SLC35G1: variants seen among roughly 807,000 people sequenced by gnomAD.
The protein encoded by SLC35G1 is partner of STIM1.
A neutral mutation model predicts 17.1 loss-of-function variants in SLC35G1; 10 were observed. The ratio of observed to expected loss-of-function variants is 0.59; its 90% CI spans 0.36 to 0.99. SLC35G1 has a LOEUF of 0.99. Among genes scored for constraint, SLC35G1 ranks in the 50% least tolerant of loss-of-function variants. The probability of loss-of-function intolerance (pLI) is 0.01; values close to 1 mark genes in which losing one functional copy is unlikely to be tolerated. For synonymous variants in SLC35G1, 185 were observed against 181.1 expected, an observed-to-expected ratio of 1.02 and a Z score of -0.18; for missense variants, 433 against 468.4, an observed-to-expected ratio of 0.92 and a Z score of 0.70.
downstream of SLC35G1, chr10:93,908,222 T>C (rs760795912): frequency 3.3e-5 from 5 of 152,248 alleles, no homozygotes; most frequent in Non-Finnish European, 5.9e-5. Flanking sequence ...ATTTATTGAA[T>C]AAACCTCATC....
downstream of SLC35G1, chr10:93,908,212 A>G (rs773394088): frequency 2.0e-5 from 3 of 152,246 alleles, no homozygotes; most frequent in Non-Finnish European, 4.4e-5. Context: ...GGACACTAAC[A>G]TTTATTGAAT....
downstream of SLC35G1, chr10:93,907,148 G>C (rs2060434030): frequency 6.6e-6 from 1 of 152,166 alleles, no homozygotes. Flanking sequence ...GGAGGCCAAG[G>C]TGGCCAGATC....
Position 93,901,176 on chromosome 10 carries a change from G to C in SLC35G1, c.784G>C (p.Gly262Arg). The change falls in exon 3 of 3, where the codon GGC (glycine) becomes CGC (arginine). Residue 262 changes from glycine to arginine, a missense_variant. Transcript: ENST00000427197. Reference protein sequence around the residue: ...FLSIWYYVVLGLVESVIILSV... With the variant: ...FLSIWYYVVLRLVESVIILSV... ...GAGCATTTGGTATTATGTAGTACTT[G>C]GCCTCGTTGAAAGTGTCATCATCCT... 3.7e-6 allele frequency: 6 copies of C among 1,614,070 alleles called. No homozygotes were observed. The highest frequency in any genetic ancestry group is 5.1e-6 in the Non-Finnish European group (6 of 1,179,968).
intron 1 of SLC35G1, among the ~76,000 whole-genome samples, chr10:93,895,957 C>G (rs766279137): frequency 6.6e-6 from 1 of 150,842 alleles, no homozygotes; most frequent in African/African-American, 2.4e-5. Flanking sequence ...TACAGAGATT[C>G]TATTTCGGTG....
chr10:93,899,912 A>G (rs761008529), intron 2 of SLC35G1, among the ~76,000 whole-genome samples: 17 of 152,132 alleles, frequency 1.1e-4, no homozygotes, highest in Admixed American at 7.2e-4. Context: ...ATGTTTTATT[A>G]TCATGGAAGA....
In SLC35G1 at chr10:93,898,754, A is replaced by G. The variant is rs773976347; in HGVS notation, c.359+3A>G. On this transcript the variant is annotated splice_donor_region_variant and intron_variant, in intron 2 of 2. Transcript: ENST00000427197. ...ATCCCTTGCTTAATATACAGAAAGT[A>G]AGTATTTTTTAACTGCAAAGTAGAA... The G allele has an allele frequency of 3.1e-6, 5 of 1,594,094 alleles. No homozygotes were observed. The highest frequency in any genetic ancestry group is 4.3e-6 in the Non-Finnish European group (5 of 1,174,256).
chr10:93,899,529 G>C (rs900658655), intron 2 of SLC35G1, among the ~76,000 whole-genome samples: 3 of 152,088 alleles, frequency 2.0e-5, no homozygotes, highest in African/African-American at 7.2e-5. Context: ...TTGGGTCCTT[G>C]GTGGCTGCCT....
chr10:93,900,642 C>T (rs989687962), intron 2 of SLC35G1, 110 bp from the exon 3 acceptor site: 1 of 825,028 alleles, frequency 1.2e-6, no homozygotes, highest in Non-Finnish European at 1.8e-6. Flanking sequence ...ATTTACTATT[C>T]CCTCATTTTT....
chr10:93,901,089 G>A lies in SLC35G1; in HGVS notation c.697G>A (p.Val233Ile), dbSNP rs765784886. 5.6e-5 allele frequency: 91 copies of A among 1,614,040 alleles called. No homozygotes were observed. The highest frequency in any genetic ancestry group is 1.9e-4 in the South Asian group (17 of 91,084). Reference protein sequence around the residue: ...KGTFAAIGSAVFAASTLVILR... With the variant: ...KGTFAAIGSAIFAASTLVILR... ...AACATTCGCAGCAATTGGAAGTGCC[G>A]TATTTGCTGCATCGACTCTAGTTAT... Residue 233 changes from valine to isoleucine, a missense_variant, in exon 3 of 3, where the codon GTA (valine) becomes ATA (isoleucine). Physicochemically the swap from Val to Ile is conservative, Grantham distance 29 (BLOSUM62 3). Coordinates refer to ENST00000427197, the MANE Select transcript of SLC35G1 (RefSeq NM_001134658.3).
chr10:93,905,515 T>C (rs547633565), downstream of SLC35G1, among the ~76,000 whole-genome samples: 60 of 152,314 alleles, frequency 3.9e-4, no homozygotes, highest in South Asian at 1.9e-3. Context: ...ACATTAAGTT[T>C]GGAGCTGGAC....
chr10:93,901,229 T>C lies in SLC35G1; in HGVS notation c.837T>C (p.Pro279=). The part of the protein sequence containing the change: ...ILSVLGEWSL[P]YCGLDRLFLI... ...CTGTATTAGGAGAGTGGAGTCTGCC[T>C]TACTGTGGGTTGGACAGGCTATTTC... The change falls in exon 3 of 3, where the codon CCT becomes CCC. Residue 279 remains proline, a synonymous_variant. Transcript: ENST00000427197. 1 of 1,614,070 alleles carries C rather than the reference T, an allele frequency of 6.2e-7. No homozygotes were observed. The highest frequency in any genetic ancestry group is 8.5e-7 in the Non-Finnish European group (1 of 1,179,930).
intron 1 of SLC35G1, among the ~76,000 whole-genome samples, chr10:93,897,669 T>C (rs539942235): frequency 1.3e-5 from 2 of 152,204 alleles, no homozygotes; most frequent in African/African-American, 2.4e-5. Context: ...AACTAAGACA[T>C]AGTAAGTGGC....
downstream of SLC35G1, chr10:93,908,354 C>T (rs528367946): frequency 9.2e-5 from 14 of 152,312 alleles, no homozygotes; most frequent in African/African-American, 3.4e-4. Flanking sequence ...CTAGTCCCCT[C>T]ACTAGTAAAT....
At chr10:93,900,620 A>G (rs779803944) in intron 2 of SLC35G1, 132 bp from the exon 3 acceptor site, 100 of 731,596 alleles carry the variant, frequency 1.4e-4, no homozygotes, top group Non-Finnish European at 2.0e-4. Context: ...TCATTTGTGG[A>G]TATTATAATT....
At position 93,902,906 on chromosome 10, in the gene SLC35G1, G is replaced by A. The variant is rs1310159972; in HGVS notation, c.*1416G>A. On this transcript the variant is annotated 3_prime_UTR_variant, in exon 3 of 3. Coordinates refer to ENST00000427197, the MANE Select transcript of SLC35G1 (RefSeq NM_001134658.3). ...CTTGGGAGGTTAGTCAGGACTTAGG[G>A]AGTATACATAAATGGTTACTTGTTG... The A allele has an allele frequency of 6.6e-6, 1 of 152,480 alleles. No individual in the cohort carries two copies. Among genetic ancestry groups the A allele is most frequent in the Non-Finnish European group, 1.5e-5 (1 of 68,034 alleles). 9.4% of individuals were successfully genotyped at this position (152,480 alleles called of 1,614,324 possible).
downstream of SLC35G1, chr10:93,908,176 G>A (rs1424927876): frequency 6.6e-6 from 1 of 152,156 alleles, no homozygotes; most frequent in Non-Finnish European, 1.5e-5. Flanking sequence ...CTTTCCTATG[G>A]CACCAAAACA....
rs1220946652 is a variant in SLC35G1, at chr10:93,902,510, C to T, written c.*1020C>T. 1 of 152,426 alleles carries T rather than the reference C, an allele frequency of 6.6e-6. No individual in the cohort carries two copies. Among genetic ancestry groups the T allele is most frequent in the African/African-American group, 2.4e-5 (1 of 41,388 alleles). 9.4% of individuals were successfully genotyped at this position (152,426 alleles called of 1,614,324 possible). On this transcript the variant is annotated 3_prime_UTR_variant, in exon 3 of 3. Transcript: ENST00000427197. ...AAAAACCATCGTTTCATATGATTCA[C>T]CCTAATAGATACCTCCATTATTCTC...
chr10:93,894,053 C>T lies in SLC35G1; in HGVS notation c.20C>T (p.Thr7Ile). The T allele has an allele frequency of 6.8e-7, 1 of 1,481,282 alleles. No homozygotes were observed. Among genetic ancestry groups the T allele is most frequent in the Non-Finnish European group, 8.9e-7 (1 of 1,124,162 alleles). The allele number at this position is 1,481,282 out of a possible 1,614,324, so 91.8% of individuals were successfully genotyped here. MRPQDSTGVAELQEPGL... is the reference protein window; with the variant it reads MRPQDSIGVAELQEPGL... ...CGCGAGATGCGGCCTCAGGACAGCACCGGGGTCGCGGAGCTCCAGGAGCCC... is the reference window on the plus strand; with the variant it reads ...CGCGAGATGCGGCCTCAGGACAGCATCGGGGTCGCGGAGCTCCAGGAGCCC... Residue 7 changes from threonine (T) to isoleucine (I), a missense_variant, in exon 1 of 3, where the codon ACC becomes ATC. Physicochemically the swap from Thr to Ile is moderately conservative, Grantham distance 89. Coordinates refer to ENST00000427197, the MANE Select transcript of SLC35G1 (RefSeq NM_001134658.3).
intron 1 of SLC35G1, 85 bp from the exon 2 acceptor site, chr10:93,898,486 C>G: frequency 3.7e-6 from 5 of 1,358,604 alleles, no homozygotes; most frequent in Non-Finnish European, 5.0e-6. Context: ...ACCTTTGACA[C>G]TGTTCCATTT....
Sources: gnomAD v4.1 joint callset for allele counts (sites outside exome capture counted in the v4.1 genomes callset) on GRCh38, gnomAD v4.1.1 for gene constraint, MANE v1.5 for transcripts, NCBI Gene and HGNC (gene_info 2026-07-23, HGNC 2026-07-21) for gene names.